PCDH15: variants seen among roughly 807,000 people sequenced by gnomAD.
PCDH15 encodes the protein protocadherin-15.
In PCDH15, 129 loss-of-function variants were observed where a neutral mutation model predicts 178.5. The observed-to-expected ratio is 0.72, with a 90% confidence interval of 0.63 to 0.84. The LOEUF (loss-of-function observed/expected upper bound fraction) is 0.84. Ranked by LOEUF, PCDH15 falls within the 40% of genes least tolerant of loss-of-function variation. The pLI is 0.00. For synonymous variants in PCDH15, 800 were observed against 732.0 expected (o/e 1.09, Z -1.50); for missense variants, 2,230 against 2,099.9 (o/e 1.06, Z -1.21).
intron 3 of PCDH15, among the ~76,000 whole-genome samples, chr10:54,521,115 T>C (rs2082814122): frequency 6.7e-6 from 1 of 150,288 alleles, no homozygotes; most frequent in South Asian, 2.2e-4. Flanking sequence ...TAATGCTAAA[T>C]GATGAGTTAA....
chr10:54,372,666 G>A (rs1202506596), intron 4 of PCDH15, among the ~76,000 whole-genome samples: 1 of 151,754 alleles, frequency 6.6e-6, no homozygotes, highest in Non-Finnish European at 1.5e-5. Flanking sequence ...GCAAAAATAA[G>A]CCATGGTAAT....
chr10:54,093,914 T>C (rs2094646979), intron 15 of PCDH15, among the ~76,000 whole-genome samples: 1 of 152,210 alleles, frequency 6.6e-6, no homozygotes, highest in Admixed American at 6.5e-5. Context: ...GAGATATAAA[T>C]TGCTTCTTTT....
intron 28 of PCDH15, among the ~76,000 whole-genome samples, chr10:53,849,880 A>AAAAG (rs1456696942): frequency 6.7e-5 from 10 of 150,122 alleles, no homozygotes; most frequent in South Asian, 2.1e-4. Context: ...AAAAAAAAAA[A>AAAAG]AAAGAAAGAA....
intron 18 of PCDH15, among the ~76,000 whole-genome samples, chr10:54,046,617 C>CAG (rs1554937094): frequency 1.3e-5 from 2 of 151,596 alleles, no homozygotes; most frequent in Non-Finnish European, 2.9e-5. Context: ...AAATGTGCAA[C>CAG]AAAAAAACCC....
chr10:53,981,591 G>T (rs2090643222), intron 21 of PCDH15, among the ~76,000 whole-genome samples: 1 of 151,280 alleles, frequency 6.6e-6, no homozygotes, highest in Admixed American at 6.6e-5. Flanking sequence ...TTTAATAAAT[G>T]GTGCTGGGAA....
chr10:53,927,943 C>T (rs2084710965), intron 25 of PCDH15, among the ~76,000 whole-genome samples: 1 of 152,006 alleles, frequency 6.6e-6, no homozygotes, highest in African/African-American at 2.4e-5. Flanking sequence ...TAAACTGACC[C>T]TTGTAGAATA....
intron 3 of PCDH15, among the ~76,000 whole-genome samples, chr10:54,519,901 TA>T (rs1254400495): frequency 1.3e-5 from 2 of 152,048 alleles, no homozygotes; most frequent in South Asian, 4.1e-4. Context: ...CCCTCAGAAA[TA>T]AGGCCGCATA....
At chr10:54,401,141 C>T (rs75588769) in intron 3 of PCDH15, among the ~76,000 whole-genome samples, 2,980 of 152,018 alleles carry the variant, frequency 0.02, 104 homozygotes, top group African/African-American at 0.066. Context: ...GTGCCTGGCT[C>T]TTGTAGATTC....
chr10:55,124,356 T>C (rs903438487), intron 2 of PCDH15, among the ~76,000 whole-genome samples: 3 of 152,142 alleles, frequency 2.0e-5, no homozygotes, highest in Non-Finnish European at 4.4e-5. Flanking sequence ...ATGGATAAAA[T>C]TCTAATGATC....
intron 29 of PCDH15, 41 bp from the exon 30 acceptor site, chr10:53,831,574 G>T: frequency 2.2e-6 from 3 of 1,363,628 alleles, no homozygotes; most frequent in Admixed American, 3.6e-5. Flanking sequence ...GATGCTAGCA[G>T]AGAAAGAGCA....
chr10:53,925,511 A>G (rs1405675401), intron 25 of PCDH15, among the ~76,000 whole-genome samples: 6 of 152,176 alleles, frequency 3.9e-5, no homozygotes, highest in Admixed American at 1.3e-4. Flanking sequence ...AGTCAGTGAG[A>G]CCAAGAACCC....
chr10:54,999,147 A>C (rs1022785807), intron 2 of PCDH15, among the ~76,000 whole-genome samples: 3 of 152,094 alleles, frequency 2.0e-5, no homozygotes, highest in Non-Finnish European at 4.4e-5. Context: ...GAAACAATTC[A>C]TCATTTGTTC....
chr10:54,875,579 A>C (rs1433340177), intron 3 of PCDH15, among the ~76,000 whole-genome samples: 1 of 152,228 alleles, frequency 6.6e-6, no homozygotes, highest in Non-Finnish European at 1.5e-5. Context: ...GTGTTACTCT[A>C]GTAAACACAT....
At chr10:53,922,345 ATAAGT>A (rs1236458409) in intron 25 of PCDH15, among the ~76,000 whole-genome samples, 3 of 152,316 alleles carry the variant, frequency 2.0e-5, no homozygotes, top group Non-Finnish European at 2.9e-5. Context: ...TTATGTTACA[ATAAGT>A]TAAGTACTTT....
chr10:54,598,343 T>C (rs1448305865), intron 2 of PCDH15, among the ~76,000 whole-genome samples: 1 of 152,064 alleles, frequency 6.6e-6, no homozygotes, highest in African/African-American at 2.4e-5. Flanking sequence ...TAAATATGAT[T>C]TATAAAATAA....
At chr10:53,982,787 T>A (rs2090771109) in intron 21 of PCDH15, among the ~76,000 whole-genome samples, 1 of 151,666 alleles carries the variant, frequency 6.6e-6, no homozygotes, top group African/African-American at 2.4e-5. Context: ...AACCTGCACA[T>A]TGTGCACATG....
intron 1 of PCDH15, among the ~76,000 whole-genome samples, chr10:55,180,364 T>C (rs1350490064): frequency 6.6e-6 from 1 of 152,122 alleles, no homozygotes; most frequent in African/African-American, 2.4e-5. Flanking sequence ...ACCTTTGAGA[T>C]GGAAAGTTTT....
intron 2 of PCDH15, among the ~76,000 whole-genome samples, chr10:55,334,240 ATATGTGTGTGTGTGTG>A (rs1844301985): frequency 1.1e-5 from 1 of 88,628 alleles, no homozygotes; most frequent in African/African-American, 6.4e-5. Context: ...ATATATATAT[ATATGTGTGTGTGTGTG>A]TGTGTGTGTG....
chr10:54,926,120 T>A (rs1654726335), intron 2 of PCDH15, among the ~76,000 whole-genome samples: 1 of 152,034 alleles, frequency 6.6e-6, no homozygotes, highest in African/African-American at 2.4e-5. Flanking sequence ...GAGGTATGTT[T>A]CTTCAATACC....
Sources: allele counts gnomAD v4.1 joint callset (sites outside exome capture counted in the v4.1 genomes callset), GRCh38; gene constraint gnomAD v4.1.1; transcripts MANE v1.5; gene names NCBI Gene and HGNC (gene_info 2026-07-23, HGNC 2026-07-21).